The following CABP1 variants were observed in gnomAD, a reference collection of about 807,000 sequenced individuals.
CABP1 encodes the protein calcium-binding protein 1.
CABP1 carries 17 observed loss-of-function variants against 34.3 expected under a neutral mutation model. The ratio of observed to expected loss-of-function variants is 0.50; its 90% CI spans 0.34 to 0.74. The LOEUF (loss-of-function observed/expected upper bound fraction) is 0.74. Among genes scored for constraint, CABP1 ranks in the 30% least tolerant of loss-of-function variants. The pLI is 0.01. For missense variants in CABP1, 373 were observed against 511.1 expected (o/e 0.73, Z 2.61); for synonymous variants, 198 against 229.2 (o/e 0.86, Z 1.23).
At position 120,660,304 on chromosome 12, in the gene CABP1, A is replaced by G; in HGVS notation, c.794A>G (p.Glu265Gly). The stretch of plus-strand genomic sequence containing the variant: ...ATGGGCTACATGCCCACCGAGATGG[A>G]GCTCATCGAACTGTCCCAGCAGATC... ...RTMGYMPTEM[E>G]LIELSQQINM... Residue 265 changes from glutamate to glycine, a missense_variant, in exon 3 of 6, where the codon GAG (glutamate) becomes GGG (glycine). Transcript: ENST00000316803. The surrounding 1 kb of genome is among the most constrained non-coding windows in gnomAD (Gnocchi z 5.0). The G allele has an allele frequency of 6.2e-7, 1 of 1,613,608 alleles. No homozygotes were observed.
the CABP1 span, among the ~76,000 whole-genome samples, chr12:120,679,841 A>T: frequency 6.6e-6 from 1 of 151,830 alleles, no homozygotes; most frequent in Admixed American, 6.6e-5. Flanking sequence ...GCAAGAAAAA[A>T]AAAGAAAAAA....
chr12:120,648,259 T>A (rs866141462), intron 1 of CABP1, among the ~76,000 whole-genome samples: 5 of 152,158 alleles, frequency 3.3e-5, no homozygotes, highest in African/African-American at 1.2e-4. Context: ...AGTTTTTGTG[T>A]TTTCCCTTCA....
chr12:120,657,470 C>T (rs1379825356), intron 1 of CABP1, among the ~76,000 whole-genome samples: 1 of 152,144 alleles, frequency 6.6e-6, no homozygotes, highest in African/African-American at 2.4e-5. Context: ...TAGATCTGAG[C>T]TTCATACTCA....
chr12:120,651,839 G>C (rs1879866385), intron 1 of CABP1, among the ~76,000 whole-genome samples: 1 of 152,120 alleles, frequency 6.6e-6, no homozygotes, highest in African/African-American at 2.4e-5. Context: ...CCCATAATCT[G>C]GTATCTTCTT....
rs2137379913 is a variant in CABP1, at chr12:120,667,003, T to G, written c.*103T>G. 7.0e-7 allele frequency: 1 copy of G among 1,420,762 alleles called. No homozygotes were observed. Among genetic ancestry groups the G allele is most frequent in the East Asian group, 2.5e-5 (1 of 40,624 alleles). The allele number at this position is 1,420,762 out of a possible 1,614,324, so 88.0% of individuals were successfully genotyped here. A position where few individuals can be genotyped will look rare whatever the true frequency, so the allele number is the denominator to read the frequency against. ...TAGCCGCCGAGAGCCCAGGATGTAC[T>G]GGCGGATGGGGCCTGCCTGCACCCC... On this transcript the variant is annotated 3_prime_UTR_variant, in exon 6 of 6. Coordinates refer to ENST00000316803, the MANE Select transcript of CABP1 (RefSeq NM_001033677.2).
chr12:120,680,684 A>G, the CABP1 span, among the ~76,000 whole-genome samples: 1 of 152,156 alleles, frequency 6.6e-6, no homozygotes, highest in East Asian at 1.9e-4. Context: ...TGCCTTCTGC[A>G]TGGTCTATCC....
Position 120,644,714 on chromosome 12 carries a change from A to G in CABP1, c.654+3375A>G, listed in dbSNP as rs140837908. Among the ~76,000 whole-genome samples the G allele has an allele frequency of 8.5e-5, 13 of 152,318 alleles. No individual in the cohort carries two copies. In the East Asian group the frequency reaches 2.5e-3, roughly 29 times the overall value. On this transcript the variant is annotated intron_variant, in intron 1 of 5. Coordinates refer to ENST00000316803, the MANE Select transcript of CABP1 (RefSeq NM_001033677.2). ...TCCCTGTTCCCATACTGCTTTGCAC[A>G]TAGCAGGATCACAGTATTTAATGAA...
At chr12:120,665,151 A>G (rs1415563436) in intron 5 of CABP1, among the ~76,000 whole-genome samples, 2 of 151,906 alleles carry the variant, frequency 1.3e-5, no homozygotes, top group African/African-American at 4.8e-5. Context: ...GGCCAGGTAC[A>G]GTGGCACATG....
At chr12:120,680,258 A>G in the CABP1 span, among the ~76,000 whole-genome samples, 4 of 152,348 alleles carry the variant, frequency 2.6e-5, no homozygotes, top group East Asian at 3.9e-4. Context: ...ACTGCTGCCC[A>G]TTTAAGAACT....
At chr12:120,644,562 T>A (rs1879466314) in intron 1 of CABP1, among the ~76,000 whole-genome samples, 1 of 152,114 alleles carries the variant, frequency 6.6e-6, no homozygotes, top group African/African-American at 2.4e-5. Flanking sequence ...GGCTTTCTGC[T>A]CCTTACCCTG....
Position 120,661,373 on chromosome 12 carries a change from A to T in CABP1, c.1087+155A>T, listed in dbSNP as rs1880620284. On this transcript the variant is annotated intron_variant, in intron 5 of 5. Coordinates refer to ENST00000316803, the MANE Select transcript of CABP1 (RefSeq NM_001033677.2). The surrounding 1 kb of genome is among the most constrained non-coding windows in gnomAD (Gnocchi z 5.1). The stretch of plus-strand genomic sequence containing the variant: ...ATCCCTCCGTCCATGCCCCCGTCTA[A>T]TCCATCTCCCATCCCTTCCCCATGC... 2.8e-6 allele frequency: 2 copies of T among 724,376 alleles called. No homozygotes were observed. Among genetic ancestry groups the T allele is most frequent in the South Asian group, 3.8e-5 (2 of 52,588 alleles). The allele number at this position is 724,376 out of a possible 1,614,324, so 44.9% of individuals were successfully genotyped here.
chr12:120,674,280 C>T, the CABP1 span, among the ~76,000 whole-genome samples: 3 of 152,390 alleles, frequency 2.0e-5, no homozygotes, highest in African/African-American at 4.8e-5. Context: ...CACGCCTCAG[C>T]GATTCCTTCT....
chr12:120,660,899 A>G lies in CABP1; in HGVS notation c.939+59A>G. On this transcript the variant is annotated intron_variant, in intron 4 of 5. Coordinates refer to ENST00000316803, the MANE Select transcript of CABP1 (RefSeq NM_001033677.2). The surrounding 1 kb of genome is among the most constrained non-coding windows in gnomAD (Gnocchi z 5.0). Reference sequence around the variant, plus strand: ...TATTGGAATCCTATCTGCAGTATAAATACTTCAAAAGAAGCCTGAGCCTCA... The same window carrying G: ...TATTGGAATCCTATCTGCAGTATAAGTACTTCAAAAGAAGCCTGAGCCTCA... 1 of 1,428,858 alleles carries G rather than the reference A, an allele frequency of 7.0e-7. No individual in the cohort carries two copies. Among genetic ancestry groups the G allele is most frequent in the South Asian group, 1.2e-5 (1 of 86,696 alleles). The allele number at this position is 1,428,858 out of a possible 1,614,324, so 88.5% of individuals were successfully genotyped here.
the CABP1 span, among the ~76,000 whole-genome samples, chr12:120,673,678 C>T: frequency 3.3e-5 from 5 of 152,116 alleles, no homozygotes; most frequent in Non-Finnish European, 5.9e-5. Flanking sequence ...ACTTATCAGC[C>T]GCGTCATCTT....
downstream of CABP1, among the ~76,000 whole-genome samples, chr12:120,668,747 C>A (rs988466421): frequency 2.0e-5 from 3 of 152,216 alleles, no homozygotes; most frequent in African/African-American, 4.8e-5. Context: ...TAAGTGAAGT[C>A]TTAAAGCAGC....
rs1226162084 is a variant in CABP1 at position 120,660,015 on chromosome 12, C to T, written c.685+107C>T. ...CCTGGAAATGGGGCCTGGTGCAACGCGGGGTATCTTCTGTGAAACCAGCTG... is the reference window on the plus strand; with the variant it reads ...CCTGGAAATGGGGCCTGGTGCAACGTGGGGTATCTTCTGTGAAACCAGCTG... On this transcript the variant is annotated intron_variant, in intron 2 of 5. Coordinates refer to ENST00000316803, the MANE Select transcript of CABP1 (RefSeq NM_001033677.2). The surrounding 1 kb of genome is among the most constrained non-coding windows in gnomAD (Gnocchi z 5.0). 18 of 1,304,384 alleles carry T rather than the reference C, an allele frequency of 1.4e-5. No individual in the cohort carries two copies. Among genetic ancestry groups the T allele is most frequent in the South Asian group, 5.2e-5 (4 of 77,124 alleles). The allele number at this position is 1,304,384 out of a possible 1,614,324, so 80.8% of individuals were successfully genotyped here.
chr12:120,654,018 A>T (rs1055434721), intron 1 of CABP1, among the ~76,000 whole-genome samples: 4 of 152,184 alleles, frequency 2.6e-5, no homozygotes, highest in African/African-American at 9.7e-5. Context: ...ACTCTCCCAG[A>T]TGGGAAGGTC....
the CABP1 span, among the ~76,000 whole-genome samples, chr12:120,674,940 C>A: frequency 1.3e-5 from 2 of 151,848 alleles, no homozygotes; most frequent in Non-Finnish European, 2.9e-5. Context: ...TACCAAGCAT[C>A]TGGTTTCTGA....
chr12:120,662,046 A>G (rs1880681683), intron 5 of CABP1: 1 of 152,256 alleles, frequency 6.6e-6, no homozygotes, highest in Non-Finnish European at 1.5e-5. Flanking sequence ...CTATCCATCT[A>G]TCTGTTCAGT....
Sources: allele counts gnomAD v4.1 joint callset (sites outside exome capture counted in the v4.1 genomes callset), GRCh38; gene constraint gnomAD v4.1.1; non-coding constraint Gnocchi (gnomAD v3.1); transcripts MANE v1.5; gene names NCBI Gene and HGNC (gene_info 2026-07-23, HGNC 2026-07-21).